ANO6: variants seen among roughly 807,000 people sequenced by gnomAD.
ANO6 encodes anoctamin-6.
ANO6 carries 106 observed loss-of-function variants against 117.5 expected under a neutral mutation model. That is an observed-to-expected ratio of 0.90 (90% CI 0.77 to 1.06). The LOEUF is 1.06. Among genes scored for constraint, ANO6 ranks in the 50% least tolerant of loss-of-function variants. The pLI is 0.00. For synonymous variants in ANO6, 367 were observed against 385.1 expected (o/e 0.95, Z 0.55); for missense variants, 955 against 1,121.1 (o/e 0.85, Z 2.12).
chr12:45,366,200 CTT>C (rs1464676914), intron 8 of ANO6, among the ~76,000 whole-genome samples: 1 of 148,796 alleles, frequency 6.7e-6, no homozygotes, highest in Admixed American at 6.7e-5. Context: ...GTCTGCAAAA[CTT>C]TTACCAATTT....
chr12:45,332,904 G>A (rs1940715111), intron 3 of ANO6, among the ~76,000 whole-genome samples: 1 of 152,016 alleles, frequency 6.6e-6, no homozygotes, highest in South Asian at 2.1e-4. Flanking sequence ...TCAGAAGAGT[G>A]GAAAGTATCG....
chr12:45,396,297 A>G (rs1942611235), intron 12 of ANO6, among the ~76,000 whole-genome samples: 1 of 152,210 alleles, frequency 6.6e-6, no homozygotes, highest in South Asian at 2.1e-4. Flanking sequence ...GATATGAAGG[A>G]CTTCTTCAAG....
intron 1 of ANO6, among the ~76,000 whole-genome samples, chr12:45,231,483 AAATGAAAGG>A (rs1947573741): frequency 6.6e-6 from 1 of 152,320 alleles, no homozygotes; most frequent in Admixed American, 6.5e-5. Context: ...GGTGAGAGCA[AAATGAAAGG>A]AAGAAGGCTG....
intron 1 of ANO6, among the ~76,000 whole-genome samples, chr12:45,277,084 A>G (rs1480418664): frequency 6.6e-6 from 1 of 152,110 alleles, no homozygotes; most frequent in African/African-American, 2.4e-5. Flanking sequence ...GGCATTATCT[A>G]TTGATGCAGA....
At chr12:45,369,744 A>G (rs987725165) in intron 9 of ANO6, among the ~76,000 whole-genome samples, 1 of 152,194 alleles carries the variant, frequency 6.6e-6, no homozygotes, top group South Asian at 2.1e-4. Context: ...AAAGAGTACT[A>G]ATTTACAGAT....
intron 9 of ANO6, among the ~76,000 whole-genome samples, chr12:45,373,026 G>T (rs1428123478): frequency 1.3e-5 from 2 of 152,126 alleles, no homozygotes; most frequent in Admixed American, 6.5e-5. Flanking sequence ...GATCTACCAA[G>T]CAAATGGAAA....
chr12:45,332,666 A>G (rs1252964986), intron 3 of ANO6, among the ~76,000 whole-genome samples: 1 of 152,094 alleles, frequency 6.6e-6, no homozygotes, highest in African/African-American at 2.4e-5. Context: ...GGTCAAATGT[A>G]GCATCCCTGT....
At chr12:45,217,519 C>T (rs982805665) in intron 1 of ANO6, among the ~76,000 whole-genome samples, 1 of 152,196 alleles carries the variant, frequency 6.6e-6, no homozygotes, top group African/African-American at 2.4e-5. Context: ...GAGGAGATTA[C>T]ACTCCATGAT....
chr12:45,361,057 A>T (rs1489162455), intron 8 of ANO6, among the ~76,000 whole-genome samples: 1 of 152,128 alleles, frequency 6.6e-6, no homozygotes, highest in African/African-American at 2.4e-5. Flanking sequence ...GCATTTCCGT[A>T]TGAATTTTAG....
chr12:45,247,018 G>A (rs188443710), intron 1 of ANO6, among the ~76,000 whole-genome samples: 39 of 152,044 alleles, frequency 2.6e-4, no homozygotes, highest in African/African-American at 8.4e-4. Flanking sequence ...TGCACCCTCC[G>A]CCTCCTGGGC....
At chr12:45,267,610 G>A (rs1241161020) in intron 1 of ANO6, among the ~76,000 whole-genome samples, 1 of 152,076 alleles carries the variant, frequency 6.6e-6, no homozygotes, top group South Asian at 2.1e-4. Flanking sequence ...GGCCAGTGTG[G>A]TGAAACCCCG....
intron 15 of ANO6, among the ~76,000 whole-genome samples, chr12:45,408,140 G>A (rs1044111985): frequency 5.3e-5 from 8 of 152,210 alleles, no homozygotes; most frequent in Admixed American, 4.6e-4. Flanking sequence ...GTGCACATGT[G>A]ATGGAGAGGA....
intron 2 of ANO6, among the ~76,000 whole-genome samples, chr12:45,318,433 T>TA (rs1227209950): frequency 6.6e-6 from 1 of 152,166 alleles, no homozygotes; most frequent in African/African-American, 2.4e-5. Context: ...CAAATAGTTG[T>TA]AGATGTGTGG....
intron 1 of ANO6, among the ~76,000 whole-genome samples, chr12:45,221,047 T>G (rs913641681): frequency 6.8e-6 from 1 of 147,750 alleles, no homozygotes; most frequent in African/African-American, 2.6e-5. Flanking sequence ...GGCCTGTGAT[T>G]GGTGTCGGAA....
At chr12:45,355,847 C>T (rs1797126311) in intron 7 of ANO6, among the ~76,000 whole-genome samples, 1 of 152,162 alleles carries the variant, frequency 6.6e-6, no homozygotes, top group Non-Finnish European at 1.5e-5. Context: ...TCTCCCAGGA[C>T]TCCAGGTTTT....
chr12:45,291,260 C>T (rs940871685), intron 1 of ANO6, among the ~76,000 whole-genome samples: 1 of 149,840 alleles, frequency 6.7e-6, no homozygotes, highest in South Asian at 2.1e-4. Flanking sequence ...GCAGGAAAAT[C>T]GCTTGAATCC....
At position 45,295,932 on chromosome 12, in the gene ANO6, G is replaced by T. The variant is rs568265902; in HGVS notation, c.71-6082G>T. Among the ~76,000 whole-genome samples, 7 of 152,160 alleles carry T rather than the reference G, an allele frequency of 4.6e-5. No individual in the cohort carries two copies. The East Asian group carries it at 1.4e-3, about 29-fold the overall frequency. Reference sequence around the variant, plus strand: ...GCTGGAGTGCAGTGGTGCGGTCTCAGCTCACTGCAACTTCAGCCTCCTGGT... The same window carrying T: ...GCTGGAGTGCAGTGGTGCGGTCTCATCTCACTGCAACTTCAGCCTCCTGGT... On this transcript the variant is annotated intron_variant, in intron 1 of 19. Coordinates refer to ENST00000320560, the MANE Select transcript of ANO6 (RefSeq NM_001025356.3).
intron 1 of ANO6, among the ~76,000 whole-genome samples, chr12:45,263,438 C>T (rs904143646): frequency 1.4e-5 from 2 of 147,802 alleles, no homozygotes; most frequent in Admixed American, 1.4e-4. Flanking sequence ...TCTTAAACTC[C>T]TGGCCTCAAG....
chr12:45,243,268 A>T (rs566701958), intron 1 of ANO6, among the ~76,000 whole-genome samples: 9 of 152,324 alleles, frequency 5.9e-5, no homozygotes, highest in Non-Finnish European at 1.0e-4. Flanking sequence ...GCAGTGAGCC[A>T]TGATTGTGCC....
Sources: allele counts gnomAD v4.1 joint callset (sites outside exome capture counted in the v4.1 genomes callset), GRCh38; gene constraint gnomAD v4.1.1; transcripts MANE v1.5; gene names NCBI Gene and HGNC (gene_info 2026-07-23, HGNC 2026-07-21).